The following FARS2 variants were observed in gnomAD, a reference collection of about 807,000 sequenced individuals.
FARS2 encodes phenylalanyl-tRNA synthetase 2, mitochondrial.
Under a neutral mutation model 46.4 loss-of-function variants are expected in FARS2, and 40 were observed. The ratio of observed to expected loss-of-function variants is 0.86; its 90% CI spans 0.67 to 1.12. The LOEUF is 1.12. Among genes scored for constraint, FARS2 ranks in the 50% most tolerant of loss-of-function variants. The pLI, the probability that FARS2 is intolerant of heterozygous loss-of-function variation, is 0.00. For missense variants in FARS2, 513 were observed against 567.9 expected (o/e 0.90, Z 0.98); for synonymous variants, 234 against 214.9 (o/e 1.09, Z -0.78).
chr6:5,623,933 G>A (rs971401775), intron 6 of FARS2, among the ~76,000 whole-genome samples: 17 of 152,118 alleles, frequency 1.1e-4, no homozygotes, highest in South Asian at 4.1e-4. Context: ...ATAGCCTAGC[G>A]CTGAAAAGCC....
chr6:5,375,186 G>C (rs1759299651), intron 2 of FARS2, among the ~76,000 whole-genome samples: 1 of 152,010 alleles, frequency 6.6e-6, no homozygotes, highest in Non-Finnish European at 1.5e-5. Context: ...AGAATATACA[G>C]ATCAACTATT....
At chr6:5,416,388 A>G (rs973468545) in intron 3 of FARS2, among the ~76,000 whole-genome samples, 1 of 152,146 alleles carries the variant, frequency 6.6e-6, no homozygotes, top group African/African-American at 2.4e-5. Context: ...TGTTGAAATG[A>G]CCTTTCCTTC....
intron 5 of FARS2, among the ~76,000 whole-genome samples, chr6:5,575,003 A>G (rs997733588): frequency 3.9e-5 from 6 of 152,154 alleles, no homozygotes; most frequent in Non-Finnish European, 5.9e-5. Context: ...TTCAAACCCA[A>G]GTTGTTCAAG....
At chr6:5,332,998 A>T (rs888157912) in intron 1 of FARS2, among the ~76,000 whole-genome samples, 3 of 152,132 alleles carry the variant, frequency 2.0e-5, no homozygotes, top group African/African-American at 7.2e-5. Flanking sequence ...ACTAATATTG[A>T]TTTTCTTATA....
chr6:5,308,382 C>A (rs1022910668), intron 1 of FARS2, among the ~76,000 whole-genome samples: 4 of 152,184 alleles, frequency 2.6e-5, no homozygotes, highest in Non-Finnish European at 5.9e-5. Context: ...AGAGAGGAAG[C>A]AGCAACTCCC....
At chr6:5,685,991 G>A (rs1757167049) in intron 6 of FARS2, among the ~76,000 whole-genome samples, 1 of 152,138 alleles carries the variant, frequency 6.6e-6, no homozygotes, top group Non-Finnish European at 1.5e-5. Context: ...GCTGCCTCAG[G>A]ATTCCCACGT....
chr6:5,609,523 T>G, intron 5 of FARS2: 1 of 1,249,532 alleles, frequency 8.0e-7, no homozygotes. Context: ...CCATGACCAC[T>G]GAAGTTTCCT....
chr6:5,648,311 G>T (rs1364168098), intron 6 of FARS2, among the ~76,000 whole-genome samples: 1 of 152,294 alleles, frequency 6.6e-6, no homozygotes, highest in African/African-American at 2.4e-5. Flanking sequence ...GGCGTCTTAC[G>T]TGGAGCCCTC....
chr6:5,388,091 C>T (rs1760254319), intron 2 of FARS2, among the ~76,000 whole-genome samples: 2 of 151,936 alleles, frequency 1.3e-5, no homozygotes, highest in South Asian at 4.1e-4. Context: ...TTTCTAAACT[C>T]TCTTGCTATG....
At chr6:5,252,192 T>C in the FARS2 span, among the ~76,000 whole-genome samples, 471 of 152,306 alleles carry the variant, frequency 3.1e-3, 2 homozygotes, top group Non-Finnish European at 4.8e-3. Flanking sequence ...GGTTGATGTT[T>C]CTACAGATTT....
intron 1 of FARS2, among the ~76,000 whole-genome samples, chr6:5,309,962 A>G (rs914269424): frequency 6.6e-6 from 1 of 152,234 alleles, no homozygotes; most frequent in African/African-American, 2.4e-5. Context: ...TTATGAAGCT[A>G]TAATAATTTA....
chr6:5,547,745 C>T (rs578025863), intron 5 of FARS2, among the ~76,000 whole-genome samples: 6 of 152,348 alleles, frequency 3.9e-5, no homozygotes, highest in South Asian at 2.1e-4. Flanking sequence ...GCTTGGCTGA[C>T]GCAAGTGTGG....
At chr6:5,562,269 A>G (rs1406487040) in intron 5 of FARS2, among the ~76,000 whole-genome samples, 1 of 151,504 alleles carries the variant, frequency 6.6e-6, no homozygotes, top group Non-Finnish European at 1.5e-5. Flanking sequence ...TTTTTACGGC[A>G]TCCTCTTGTC....
chr6:5,512,568 C>G (rs558903763), intron 4 of FARS2, among the ~76,000 whole-genome samples: 1 of 151,812 alleles, frequency 6.6e-6, no homozygotes, highest in South Asian at 2.1e-4. Context: ...ATGGTTTGCC[C>G]GTCAATTATT....
chr6:5,422,052 T>G (rs1172005195), intron 3 of FARS2, among the ~76,000 whole-genome samples: 1 of 152,208 alleles, frequency 6.6e-6, no homozygotes, highest in Non-Finnish European at 1.5e-5. Flanking sequence ...AAAAATAGGC[T>G]TAATGGACTC....
chr6:5,684,341 A>G (rs1248646684), intron 6 of FARS2, among the ~76,000 whole-genome samples: 1 of 152,146 alleles, frequency 6.6e-6, no homozygotes, highest in Non-Finnish European at 1.5e-5. Context: ...AGCCCTGCGC[A>G]CTAGTATGCA....
intron 4 of FARS2, among the ~76,000 whole-genome samples, chr6:5,513,479 A>G (rs932406702): frequency 6.6e-6 from 1 of 152,228 alleles, no homozygotes; most frequent in African/African-American, 2.4e-5. Context: ...ATTTAGCCGA[A>G]GGTCTAGAAT....
intron 6 of FARS2, among the ~76,000 whole-genome samples, chr6:5,659,288 G>A (rs927980961): frequency 4.6e-5 from 7 of 152,166 alleles, no homozygotes; most frequent in Non-Finnish European, 1.0e-4. Context: ...CCAGCCAAGT[G>A]TAACCCCAGT....
rs1761744549 is a variant in FARS2, at chr6:5,748,175, G to A, written c.1218-23116G>A. Among the ~76,000 whole-genome samples the A allele has an allele frequency of 2.0e-5, 3 of 152,206 alleles. No individual in the cohort carries two copies. The South Asian group carries it at 6.2e-4, about 32-fold the overall frequency. On this transcript the variant is annotated intron_variant, in intron 6 of 6. Transcript: ENST00000274680. ...CATCACTATCCCTGCTGTGGGAGCA[G>A]GAATCTGCTTCCTGAGGCTTGGGCC... is the stretch of plus-strand genomic sequence containing the variant.
Sources: gnomAD v4.1 joint callset for allele counts (sites outside exome capture counted in the v4.1 genomes callset) on GRCh38, gnomAD v4.1.1 for gene constraint, MANE v1.5 for transcripts, NCBI Gene and HGNC (gene_info 2026-07-23, HGNC 2026-07-21) for gene names.